Variants in CFAP74 observed in about 807,000 individuals in gnomAD.
The protein encoded by CFAP74 is cilia and flagella associated protein 74, also known as cilia- and flagella-associated protein 74.
CFAP74 carries 124 observed loss-of-function variants against 188.9 expected under a neutral mutation model. That is an observed-to-expected ratio of 0.66 (90% CI 0.57 to 0.76). The LOEUF is 0.76. CFAP74 is among the 30% of genes least tolerant of loss of function. The pLI, the probability that CFAP74 is intolerant of heterozygous loss-of-function variation, is 0.00. For synonymous variants in CFAP74, 956 were observed against 916.7 expected, an observed-to-expected ratio of 1.04 and a Z score of -0.77; for missense variants, 2,198 against 2,165.2, an observed-to-expected ratio of 1.02 and a Z score of -0.30.
rs1340110302 is a variant in CFAP74 at position 1,993,899 on chromosome 1, G to GT, written c.-19-2925dup. On this transcript the variant is annotated intron_variant, in intron 1 of 38. Transcript: ENST00000682832. ...CGGGAGGCTGAGGCAGGAGAATGGCGTGAACCCGGGAGGCGGAGCTTGCAG... is the reference window on the plus strand; with the variant it reads ...CGGGAGGCTGAGGCAGGAGAATGGCGTTGAACCCGGGAGGCGGAGCTTGCAG... Among the ~76,000 whole-genome samples the GT allele has an allele frequency of 3.3e-5, 5 of 150,748 alleles. No homozygotes were observed. In the South Asian group the frequency reaches 6.3e-4, roughly 19 times the overall value.
At chr1:1,958,287 G>C (rs1654808279) in intron 16 of CFAP74, among the ~76,000 whole-genome samples, 2 of 152,252 alleles carry the variant, frequency 1.3e-5, no homozygotes, top group African/African-American at 4.8e-5. Context: ...TCCTCCTCTA[G>C]TGTAAGAATG....
intron 11 of CFAP74, among the ~76,000 whole-genome samples, chr1:1,966,729 T>G (rs1655501874): frequency 6.6e-6 from 1 of 152,244 alleles, no homozygotes; most frequent in Non-Finnish European, 1.5e-5. Context: ...ATTAAATATT[T>G]TTCTACAATG....
intron 37 of CFAP74, 46 bp from the exon 38 acceptor site, chr1:1,922,769 C>T: frequency 6.3e-7 from 1 of 1,584,748 alleles, no homozygotes. Flanking sequence ...GGCACCGCTC[C>T]CAGAAGCAGT....
chr1:1,981,620 G>C (rs1422373133), intron 6 of CFAP74, among the ~76,000 whole-genome samples: 2 of 71,104 alleles, frequency 2.8e-5, no homozygotes, highest in African/African-American at 6.3e-5. Flanking sequence ...GCCGCGGACA[G>C]ACACGGGGGC....
chr1:1,934,870 TGTGCGTGGGTGTTAGGTTGTAG>T lies in CFAP74; in HGVS notation c.3011+3963_3011+3984del, dbSNP rs1317074850. Among the ~76,000 whole-genome samples, 57 of 150,116 alleles carry T rather than the reference TGTGCGTGGGTGTTAGGTTGTAG, an allele frequency of 3.8e-4. 3 individuals carry two copies. Among genetic ancestry groups the T allele is most frequent in the African/African-American group, 1.3e-3 (54 of 40,552 alleles). On this transcript the variant is annotated intron_variant, in intron 25 of 38. Transcript: ENST00000682832. ...GTGTTAGGTTGTAGGTACACACGTG[TGTGCGTGGGTGTTAGGTTGTAG>T]GTACACACGTGTGTACGTGGGTGTT... is the stretch of plus-strand genomic sequence containing the variant.
chr1:1,926,478 G>A lies in CFAP74; in HGVS notation c.3807C>T (p.Asn1269=), dbSNP rs914559133. The change falls in exon 31 of 39, where the codon AAC becomes AAT. Residue 1269 remains asparagine, a synonymous_variant. Coordinates refer to ENST00000682832, the MANE Select transcript of CFAP74 (RefSeq NM_001304360.2). The stretch of plus-strand genomic sequence containing the variant: ...ACACGGCCAGATCCTCGGGAGAGAC[G>A]TTCTGGATGGAGATCTTCTTGATAC... ...HRSIKKISIQ[N]VSPEDLALDF... 4.6e-5 allele frequency: 71 copies of A among 1,550,110 alleles called. No homozygotes were observed. The highest frequency in any genetic ancestry group is 5.5e-5 in the African/African-American group (4 of 73,044).
At position 1,926,287 on chromosome 1, in the gene CFAP74, G is replaced by C. The variant is rs1413617828; in HGVS notation, c.3889C>G (p.Leu1297Val). The change falls in exon 32 of 39, where the codon CTG (leucine) becomes GTG (valine). Residue 1297 changes from leucine to valine, a missense_variant. Leu to Val is a conservative substitution (Grantham distance 32, BLOSUM62 1). Transcript: ENST00000682832. Reference sequence around the variant, plus strand: ...AGGACCTGGGTCCCACCTGCACGCAGCAGGCTGGAGTGGTTCAGCAGGACA... The same window carrying C: ...AGGACCTGGGTCCCACCTGCACGCACCAGGCTGGAGTGGTTCAGCAGGACA... ...PFVLLNHSSL[L>V]RAGGTQVLVL... 6.5e-7 allele frequency: 1 copy of C among 1,544,874 alleles called. No homozygotes were observed. Among genetic ancestry groups the C allele is most frequent in the East Asian group, 2.4e-5 (1 of 40,846 alleles).
At position 1,973,792 on chromosome 1, in the gene CFAP74, C is replaced by A. The variant is rs1452204246; in HGVS notation, c.674+233G>T. Among the ~76,000 whole-genome samples, 1 of 151,798 alleles carries A rather than the reference C, an allele frequency of 6.6e-6. No individual in the cohort carries two copies. The highest frequency in any genetic ancestry group is 2.4e-5 in the African/African-American group (1 of 41,264). ...GCCAGCTTTAGCGGCTGTATGGTGGCTGCGGCATCTTGGGAGGGCTGGGGC... is the reference window on the plus strand; with the variant it reads ...GCCAGCTTTAGCGGCTGTATGGTGGATGCGGCATCTTGGGAGGGCTGGGGC... On this transcript the variant is annotated intron_variant, in intron 7 of 38. Coordinates refer to ENST00000682832, the MANE Select transcript of CFAP74 (RefSeq NM_001304360.2). The surrounding 1 kb of genome is among the most constrained non-coding windows in gnomAD (Gnocchi z 6.2).
Position 1,944,228 on chromosome 1 carries a change from C to T in CFAP74, c.2486+103G>A, listed in dbSNP as rs907173129. ...CTCACCCCGTGTGCGTGGGTCACCCCGTGTGCGTGGACAGGAGGGGGCTCA... is the reference window on the plus strand; with the variant it reads ...CTCACCCCGTGTGCGTGGGTCACCCTGTGTGCGTGGACAGGAGGGGGCTCA... On this transcript the variant is annotated intron_variant, in intron 21 of 38. Transcript: ENST00000682832. The T allele has an allele frequency of 1.0e-4, 147 of 1,466,614 alleles. 3 individuals carry two copies. Among genetic ancestry groups the T allele is most frequent in the African/African-American group, 1.5e-5 (1 of 67,574 alleles). The allele number at this position is 1,466,614 out of a possible 1,614,324, so 90.9% of individuals were successfully genotyped here.
Position 1,986,580 on chromosome 1 carries a change from G to A in CFAP74, c.395+357C>T, listed in dbSNP as rs185341373. Among the ~76,000 whole-genome samples the A allele has an allele frequency of 3.6e-3, 544 of 152,346 alleles. 3 individuals carry two copies. The highest frequency in any genetic ancestry group is 0.012 in the African/African-American group (519 of 41,594). ...GCAATGCCTGTTGGTGAGTGTTGGC[G>A]TTTCCAGCGTCCCCCAGGCCCCTCC... On this transcript the variant is annotated intron_variant, in intron 5 of 38. Coordinates refer to ENST00000682832, the MANE Select transcript of CFAP74 (RefSeq NM_001304360.2).
At chr1:1,993,765 G>A (rs527924553) in intron 1 of CFAP74, among the ~76,000 whole-genome samples, 33 of 1,622 alleles carry the variant, frequency 0.02, no homozygotes, top group African/African-American at 0.033. Context: ...GGTGGATCAC[G>A]AGGTCAGGAG....
intron 25 of CFAP74, among the ~76,000 whole-genome samples, chr1:1,938,596 A>T (rs1653118772): frequency 6.6e-6 from 1 of 152,054 alleles, no homozygotes; most frequent in Admixed American, 6.6e-5. Context: ...GTCCTCACAC[A>T]CATGCTCATA....
intron 6 of CFAP74, among the ~76,000 whole-genome samples, chr1:1,980,615 C>T (rs762613537): frequency 1.6e-4 from 25 of 152,208 alleles, no homozygotes; most frequent in Admixed American, 1.2e-3. Context: ...ACCTGCTGGC[C>T]AGGAAATGCC....
chr1:1,980,870 C>T (rs779159556), intron 6 of CFAP74, among the ~76,000 whole-genome samples: 4 of 150,094 alleles, frequency 2.7e-5, no homozygotes, highest in Admixed American at 6.7e-5. Context: ...GAGACCATCA[C>T]GCCTGCTGCC....
chr1:1,996,924 A>AAAAAAAAAAAG (rs1657944293), intron 1 of CFAP74, among the ~76,000 whole-genome samples: 1 of 150,394 alleles, frequency 6.6e-6, no homozygotes, highest in African/African-American at 2.4e-5. Context: ...CTGTCTCAAA[A>AAAAAAAAAAAG]AAAAAAAAAA....
At chr1:1,977,903 A>C (rs1371886516) in intron 6 of CFAP74, among the ~76,000 whole-genome samples, 1 of 152,186 alleles carries the variant, frequency 6.6e-6, no homozygotes, top group Non-Finnish European at 1.5e-5. Flanking sequence ...GCAGTGGCGC[A>C]GTCTCAGCTC....
At chr1:1,963,242 G>A (rs889814210) in intron 14 of CFAP74, among the ~76,000 whole-genome samples, 1 of 152,144 alleles carries the variant, frequency 6.6e-6, no homozygotes, top group South Asian at 2.1e-4. Context: ...CCTGAGGTCA[G>A]GAGTTCGAGA....
intron 25 of CFAP74, 132 bp from the exon 26 acceptor site, chr1:1,930,468 AG>A (rs908736010): frequency 3.5e-6 from 3 of 852,842 alleles, no homozygotes; most frequent in Non-Finnish European, 3.4e-6. Context: ...CCTGCTGCCC[AG>A]GGGGTCACTG....
intron 25 of CFAP74, among the ~76,000 whole-genome samples, chr1:1,938,253 ACACT>A (rs1461794883): frequency 6.6e-6 from 1 of 151,298 alleles, no homozygotes; most frequent in Non-Finnish European, 1.5e-5. Context: ...ACAAGCACTC[ACACT>A]CAACCTTACA....
Sources: gnomAD v4.1 joint callset for allele counts (sites outside exome capture counted in the v4.1 genomes callset) on GRCh38, gnomAD v4.1.1 for gene constraint, Gnocchi (gnomAD v3.1) non-coding constraint, MANE v1.5 for transcripts, NCBI Gene and HGNC (gene_info 2026-07-23, HGNC 2026-07-21) for gene names.